The following DAB1 variants were observed in gnomAD, a reference collection of about 807,000 sequenced individuals.
DAB1 encodes the protein DAB adaptor protein 1, also known as disabled homolog 1.
A neutral mutation model predicts 64.6 loss-of-function variants in DAB1; 15 were observed. The ratio of observed to expected loss-of-function variants is 0.23; its 90% CI spans 0.16 to 0.36. The LOEUF (loss-of-function observed/expected upper bound fraction) is 0.36. Among genes scored for constraint, DAB1 ranks in the 10% least tolerant of loss-of-function variants. The pLI is 1.00. For synonymous variants in DAB1, 235 were observed against 251.9 expected (o/e 0.93, Z 0.64); for missense variants, 596 against 706.7 (o/e 0.84, Z 1.78).
intron 7 of DAB1, among the ~76,000 whole-genome samples, chr1:57,523,930 A>G (rs749761964): frequency 2.0e-5 from 3 of 152,158 alleles, no homozygotes; most frequent in Non-Finnish European, 2.9e-5. Context: ...GTCTCAAAAA[A>G]AAAGAAAAAG....
intron 6 of DAB1, among the ~76,000 whole-genome samples, chr1:57,674,238 A>T (rs1020466222): frequency 5.3e-5 from 8 of 152,186 alleles, no homozygotes; most frequent in African/African-American, 1.7e-4. Context: ...TTCTCATTAC[A>T]AGTCCAGCAC....
rs79730530 is a variant in DAB1 at position 58,135,660 on chromosome 1, C to T, written n.387+14851G>A. On this transcript the variant is annotated intron_variant and non_coding_transcript_variant, in intron 5 of 20. Transcript: ENST00000485760. ...TTCTCAATCCCTTTTGCTGTAGGTGCCTTTTGCTTTATAGAGCATCAAATA... is the reference window on the plus strand; with the variant it reads ...TTCTCAATCCCTTTTGCTGTAGGTGTCTTTTGCTTTATAGAGCATCAAATA... Among the ~76,000 whole-genome samples the T allele has an allele frequency of 6.6e-3, 1,010 of 152,066 alleles. 11 individuals carry two copies. Among genetic ancestry groups the T allele is most frequent in the African/African-American group, 0.024 (980 of 41,438 alleles).
At position 57,404,841 on chromosome 1, in the gene DAB1, G is replaced by A. The variant is rs533329624; in HGVS notation, c.-137+19089C>T. 1.6e-4 allele frequency among the ~76,000 whole-genome samples: 25 copies of A among 152,172 alleles called. No homozygotes were observed. In the South Asian group the frequency reaches 1.7e-3, roughly 10 times the overall value. On this transcript the variant is annotated intron_variant, in intron 1 of 14. Coordinates refer to ENST00000371236, the MANE Select transcript of DAB1 (RefSeq NM_001365792.1). ...CTAGACGCTAATGAAAACCCAAAGA[G>A]ACACACACATTCAAAAGATGTATAG...
At chr1:57,123,862 T>C (rs996638667) in intron 4 of DAB1, among the ~76,000 whole-genome samples, 6 of 152,176 alleles carry the variant, frequency 3.9e-5, no homozygotes, top group Non-Finnish European at 7.4e-5. Flanking sequence ...AATGGTGATA[T>C]ATACACAAAA....
intron 7 of DAB1, among the ~76,000 whole-genome samples, chr1:57,607,698 A>T (rs535502412): frequency 1.3e-5 from 2 of 152,330 alleles, no homozygotes; most frequent in East Asian, 3.9e-4. Context: ...ATTTAGTTGC[A>T]TCACACACAT....
rs376130413 is a variant in DAB1, at chr1:58,219,025, C to CTCTCTCTCTCTCTCTCTCTCTCTG, written n.310-68438_310-68437insCAGAGAGAGAGAGAGAGAGAGAGA. ...TCTCTCTCTCTCTCTCTCTCTCTCTCTGTGTGTGTGTGTGTGTGTTTCAAT... is the reference window on the plus strand; with the variant it reads ...TCTCTCTCTCTCTCTCTCTCTCTCTCTCTCTCTCTCTCTCTCTCTCTCTGTGTGTGTGTGTGTGTGTGTTTCAAT... On this transcript the variant is annotated intron_variant and non_coding_transcript_variant, in intron 4 of 20. Transcript: ENST00000485760. Among the ~76,000 whole-genome samples the CTCTCTCTCTCTCTCTCTCTCTCTG allele has an allele frequency of 3.6e-4, 46 of 129,532 alleles. 1 individual carries two copies. Among genetic ancestry groups the CTCTCTCTCTCTCTCTCTCTCTCTG allele is most frequent in the East Asian group, 2.4e-3 (10 of 4,144 alleles). The allele number at this position is 129,532 out of a possible 152,430, so 85.0% of individuals were successfully genotyped here.
At chr1:58,472,162 C>G (rs1645366595) in intron 3 of DAB1, among the ~76,000 whole-genome samples, 2 of 152,134 alleles carry the variant, frequency 1.3e-5, no homozygotes, top group Non-Finnish European at 2.9e-5. Context: ...TATGCCCTAC[C>G]TTGATAGTCA....
At chr1:57,085,499 T>C (rs1370303074) in intron 4 of DAB1, among the ~76,000 whole-genome samples, 2 of 152,228 alleles carry the variant, frequency 1.3e-5, no homozygotes, top group East Asian at 1.9e-4. Flanking sequence ...TCTGCCTTGA[T>C]CCAGAAACAC....
At chr1:58,036,813 A>C (rs546256224) in intron 5 of DAB1, among the ~76,000 whole-genome samples, 1 of 152,254 alleles carries the variant, frequency 6.6e-6, no homozygotes, top group Admixed American at 6.5e-5. Context: ...TTCAAGTATT[A>C]AGAGAGGCTA....
chr1:57,145,458 T>C (rs1218064232), intron 2 of DAB1, 29 bp from the exon 3 acceptor site: 26 of 1,613,524 alleles, frequency 1.6e-5, no homozygotes, highest in Non-Finnish European at 2.2e-5. Flanking sequence ...GATTCAAATA[T>C]GTAGCTGTGC....
chr1:58,368,958 C>A (rs1644240200), intron 3 of DAB1, among the ~76,000 whole-genome samples: 1 of 152,154 alleles, frequency 6.6e-6, no homozygotes, highest in African/African-American at 2.4e-5. Flanking sequence ...GAGGTCAAGG[C>A]TGCAGTGAGC....
At chr1:58,162,167 C>T (rs1199984929) in intron 4 of DAB1, among the ~76,000 whole-genome samples, 14 of 152,116 alleles carry the variant, frequency 9.2e-5, no homozygotes, top group Admixed American at 9.2e-4. Flanking sequence ...ACAGGCAGAT[C>T]TTGCCCTTAA....
chr1:57,111,803 C>T (rs1243794529), intron 4 of DAB1, among the ~76,000 whole-genome samples: 2 of 152,152 alleles, frequency 1.3e-5, no homozygotes, highest in Non-Finnish European at 2.9e-5. Flanking sequence ...GTGCTGAATC[C>T]TTAGTGCTTA....
intron 3 of DAB1, among the ~76,000 whole-genome samples, chr1:58,345,779 T>A (rs1393776524): frequency 6.6e-6 from 1 of 151,964 alleles, no homozygotes; most frequent in Non-Finnish European, 1.5e-5. Context: ...TCCCAGGAGG[T>A]TGCAGCCCCT....
intron 3 of DAB1, among the ~76,000 whole-genome samples, chr1:58,393,578 C>T (rs1054018303): frequency 2.0e-5 from 3 of 152,234 alleles, no homozygotes; most frequent in Non-Finnish European, 4.4e-5. Context: ...GCAAGTGCCA[C>T]AGACTAGGAG....
intron 7 of DAB1, among the ~76,000 whole-genome samples, chr1:57,595,266 A>AT (rs1172795470): frequency 4.6e-5 from 7 of 151,300 alleles, no homozygotes; most frequent in South Asian, 2.1e-4. Context: ...TAGATTCTAG[A>AT]TTTTTTTTAG....
chr1:57,338,011 T>A (rs1677238347), intron 1 of DAB1, among the ~76,000 whole-genome samples: 1 of 151,800 alleles, frequency 6.6e-6, no homozygotes, highest in South Asian at 2.1e-4. Flanking sequence ...TGAGACAAGG[T>A]TTCACTCTGG....
At chr1:57,124,731 C>A (rs1040872478) in intron 4 of DAB1, among the ~76,000 whole-genome samples, 9 of 152,088 alleles carry the variant, frequency 5.9e-5, no homozygotes, top group African/African-American at 1.9e-4. Flanking sequence ...ATGAATGAGG[C>A]TCCTGCAGAT....
At chr1:57,476,807 G>A (rs1643944407) in intron 7 of DAB1, among the ~76,000 whole-genome samples, 1 of 152,224 alleles carries the variant, frequency 6.6e-6, no homozygotes, top group South Asian at 2.1e-4. Flanking sequence ...GCTGGGCTCA[G>A]CCTGGGGGGT....
Sources: gnomAD v4.1 joint callset for allele counts (sites outside exome capture counted in the v4.1 genomes callset) on GRCh38, gnomAD v4.1.1 for gene constraint, MANE v1.5 for transcripts, NCBI Gene and HGNC (gene_info 2026-07-23, HGNC 2026-07-21) for gene names.